Variants in FARP1 observed in about 807,000 individuals in gnomAD.
FARP1 encodes the protein FERM, ARHGEF and pleckstrin domain-containing protein 1.
Under a neutral mutation model 128.8 loss-of-function variants are expected in FARP1, and 52 were observed. That is an observed-to-expected ratio of 0.40 (90% CI 0.32 to 0.51). FARP1 has a LOEUF of 0.51. Ranked by LOEUF, FARP1 falls within the 20% of genes least tolerant of loss-of-function variation. The pLI is 0.45. For synonymous variants in FARP1, 580 were observed against 551.8 expected (o/e 1.05, Z -0.72); for missense variants, 1,333 against 1,367.9 (o/e 0.97, Z 0.40).
intron 1 of FARP1, among the ~76,000 whole-genome samples, chr13:98,173,670 T>G (rs2139171820): frequency 6.6e-6 from 1 of 152,366 alleles, no homozygotes; most frequent in Middle Eastern, 3.4e-3. Flanking sequence ...ACGTGTGCCT[T>G]CAGTGAACAG....
rs1225913562 is a variant in FARP1 at position 98,209,666 on chromosome 13, G to A, written c.-23-3554G>A. Among the ~76,000 whole-genome samples, 5 of 150,568 alleles carry A rather than the reference G, an allele frequency of 3.3e-5. No homozygotes were observed. In the East Asian group the frequency reaches 5.9e-4, roughly 18 times the overall value. The stretch of plus-strand genomic sequence containing the variant: ...ACAACAATTAGCTGGGTGTGGTGGT[G>A]TGCGCCTGTGATCCCAGCTACTCGG... On this transcript the variant is annotated intron_variant, in intron 1 of 26. Transcript: ENST00000319562.
chr13:98,418,660 A>C (rs1334752887), intron 16 of FARP1, among the ~76,000 whole-genome samples: 2 of 152,218 alleles, frequency 1.3e-5, no homozygotes, highest in Non-Finnish European at 2.9e-5. Context: ...CAGTGCTTTG[A>C]GAGCAAGCTG....
At chr13:98,183,673 C>T (rs930007490) in intron 1 of FARP1, among the ~76,000 whole-genome samples, 2 of 152,136 alleles carry the variant, frequency 1.3e-5, no homozygotes, top group Non-Finnish European at 2.9e-5. Context: ...ATTCAGTGGT[C>T]GCTCATCTTT....
chr13:98,313,686 AT>A (rs1886591599), intron 2 of FARP1, among the ~76,000 whole-genome samples: 1 of 152,204 alleles, frequency 6.6e-6, no homozygotes, highest in African/African-American at 2.4e-5. Context: ...CAGCTGAAAG[AT>A]TTTTGCTTTG....
chr13:98,181,345 T>A (rs1321811126), intron 1 of FARP1, among the ~76,000 whole-genome samples: 2 of 152,188 alleles, frequency 1.3e-5, no homozygotes, highest in African/African-American at 4.8e-5. Flanking sequence ...TTTTATCCCC[T>A]GCAAAGTGGG....
chr13:98,295,849 T>G (rs1885663326), intron 2 of FARP1, among the ~76,000 whole-genome samples: 1 of 152,242 alleles, frequency 6.6e-6, no homozygotes, highest in African/African-American at 2.4e-5. Context: ...TGTGGTATTC[T>G]GAGAGTCCTT....
chr13:98,186,619 C>T (rs1382550187), intron 1 of FARP1, among the ~76,000 whole-genome samples: 3 of 152,192 alleles, frequency 2.0e-5, no homozygotes, highest in South Asian at 2.1e-4. Flanking sequence ...TTAAAGGCTG[C>T]GTAATAATCC....
intron 2 of FARP1, among the ~76,000 whole-genome samples, chr13:98,222,816 T>A (rs1245550446): frequency 7.0e-6 from 1 of 142,776 alleles, no homozygotes; most frequent in African/African-American, 2.6e-5. Flanking sequence ...TTTTTTTTTT[T>A]AAGTAGACAT....
intron 6 of FARP1, chr13:98,383,732 A>G (rs1889978888): frequency 6.6e-6 from 1 of 152,212 alleles, no homozygotes; most frequent in Non-Finnish European, 1.5e-5. Flanking sequence ...ACCTTGAACT[A>G]GTGTTGTTAA....
intron 1 of FARP1, among the ~76,000 whole-genome samples, chr13:98,183,108 CTTCT>C (rs1878638895): frequency 6.6e-6 from 1 of 152,100 alleles, no homozygotes; most frequent in Admixed American, 6.5e-5. Context: ...TAGGTTTTAT[CTTCT>C]TTGCCTTCTA....
At chr13:98,358,898 A>G (rs1340851877) in intron 3 of FARP1, among the ~76,000 whole-genome samples, 1 of 152,038 alleles carries the variant, frequency 6.6e-6, no homozygotes, top group Non-Finnish European at 1.5e-5. Context: ...CAGCCTCCCA[A>G]AGTGCTGGAA....
At chr13:98,167,691 T>C (rs909457946) in intron 1 of FARP1, among the ~76,000 whole-genome samples, 4 of 152,092 alleles carry the variant, frequency 2.6e-5, no homozygotes, top group Non-Finnish European at 5.9e-5. Flanking sequence ...ATTACAAGCA[T>C]GAGCCACTGC....
chr13:98,372,577 G>T (rs970011635), intron 5 of FARP1, among the ~76,000 whole-genome samples: 13 of 152,200 alleles, frequency 8.5e-5, no homozygotes, highest in Non-Finnish European at 1.6e-4. Flanking sequence ...CCCTACTGAA[G>T]TGTTCTCTTA....
chr13:98,443,348 T>A (rs1397816511), intron 24 of FARP1, among the ~76,000 whole-genome samples: 1 of 152,206 alleles, frequency 6.6e-6, no homozygotes, highest in Non-Finnish European at 1.5e-5. Context: ...ACTTTGCAGA[T>A]GTCCCTCCTT....
chr13:98,388,486 G>GT lies in FARP1; in HGVS notation c.855+9dup. ...CTCCGGCCAGATGCCAATGTAAGTG[G>GT]TCCTGGCGGGAAAGGGGACCCGTTG... On this transcript the variant is annotated intron_variant, in intron 9 of 26. Transcript: ENST00000319562. 1 of 1,608,802 alleles carries GT rather than the reference G, an allele frequency of 6.2e-7. No homozygotes were observed. Among genetic ancestry groups the GT allele is most frequent in the South Asian group, 1.1e-5 (1 of 90,952 alleles).
At chr13:98,250,645 C>T (rs905489706) in intron 2 of FARP1, among the ~76,000 whole-genome samples, 13 of 150,838 alleles carry the variant, frequency 8.6e-5, no homozygotes, top group Admixed American at 7.9e-4. Flanking sequence ...CGCTTGAACC[C>T]GAGAGGCAGA....
At chr13:98,168,720 C>T (rs1037825434) in intron 1 of FARP1, among the ~76,000 whole-genome samples, 5 of 152,272 alleles carry the variant, frequency 3.3e-5, no homozygotes, top group East Asian at 1.9e-4. Flanking sequence ...CCCCTTCATT[C>T]TGGTAGAGCC....
chr13:98,385,650 A>T lies in FARP1; in HGVS notation c.612-17A>T. ...TTCAAATCTCCTGGCCTTTCTGTTTAATTTTTGTTTTGTCAGTGGACAAAC... is the reference window on the plus strand; with the variant it reads ...TTCAAATCTCCTGGCCTTTCTGTTTTATTTTTGTTTTGTCAGTGGACAAAC... On this transcript the variant is annotated splice_polypyrimidine_tract_variant and intron_variant, in intron 7 of 26. Transcript: ENST00000319562. The T allele has an allele frequency of 6.2e-7, 1 of 1,613,962 alleles. No individual in the cohort carries two copies. The highest frequency in any genetic ancestry group is 2.2e-5 in the East Asian group (1 of 44,880).
intron 16 of FARP1, among the ~76,000 whole-genome samples, chr13:98,415,077 G>C (rs895169735): frequency 2.0e-5 from 3 of 152,196 alleles, no homozygotes; most frequent in African/African-American, 7.2e-5. Context: ...TTCATCTCAG[G>C]GGTGCTCCAG....
Sources: allele counts gnomAD v4.1 joint callset (sites outside exome capture counted in the v4.1 genomes callset), GRCh38; gene constraint gnomAD v4.1.1; transcripts MANE v1.5; gene names NCBI Gene and HGNC (gene_info 2026-07-23, HGNC 2026-07-21).